The following SEPTIN2 variants were observed in gnomAD, a reference collection of about 807,000 sequenced individuals.
The protein encoded by SEPTIN2 is septin-2.
A neutral mutation model predicts 46.5 loss-of-function variants in SEPTIN2; 34 were observed. That is an observed-to-expected ratio of 0.73 (90% CI 0.56 to 0.97). The LOEUF (loss-of-function observed/expected upper bound fraction) is 0.97. SEPTIN2 is among the 50% of genes least tolerant of loss of function. The probability of loss-of-function intolerance (pLI) is 0.00; values close to 1 mark genes in which losing one functional copy is unlikely to be tolerated. For missense variants in SEPTIN2, 347 were observed against 448.4 expected (o/e 0.77, Z 2.04); for synonymous variants, 175 against 153.4 (o/e 1.14, Z -1.04).
In SEPTIN2 at chr2:241,336,033, G is replaced by A. The variant is rs765470606; in HGVS notation, c.276G>A (p.Gly92=). ...EASTVEIEER[G]VKLRLTVVDT... is the part of the protein sequence containing the mutation. ...CAACTGTTGAAATTGAAGAGCGAGGGGTCAAGCTACGCCTGACAGTGGTAG... is the reference window on the plus strand; with the variant it reads ...CAACTGTTGAAATTGAAGAGCGAGGAGTCAAGCTACGCCTGACAGTGGTAG... The change falls in exon 5 of 13, where the codon GGG becomes GGA. Residue 92 remains glycine, a synonymous_variant. Coordinates refer to ENST00000391971, the MANE Select transcript of SEPTIN2 (RefSeq NM_004404.5). The A allele has an allele frequency of 6.8e-6, 11 of 1,613,786 alleles. No individual in the cohort carries two copies. Among genetic ancestry groups the A allele is most frequent in the Middle Eastern group, 1.6e-4 (1 of 6,084 alleles).
At chr2:241,346,493 A>T in intron 10 of SEPTIN2, 1 of 245,622 alleles carries the variant, frequency 4.1e-6, no homozygotes, top group African/African-American at 2.3e-5. Flanking sequence ...CATGCCTGTA[A>T]TCCCAGCACC....
At chr2:241,335,816 C>A (rs896951528) in intron 4 of SEPTIN2, 159 bp from the exon 5 acceptor site, 3 of 854,162 alleles carry the variant, frequency 3.5e-6, no homozygotes, top group Non-Finnish European at 5.7e-6. Context: ...CTTCCCCTTT[C>A]TGACTTCTCT....
In SEPTIN2 at chr2:241,334,996, C is replaced by T. The variant is rs1235930219; in HGVS notation, c.131-130C>T. 17 of 643,048 alleles carry T rather than the reference C, an allele frequency of 2.6e-5. No individual in the cohort carries two copies. In the East Asian group the frequency reaches 4.6e-4, roughly 18 times the overall value. The allele number at this position is 643,048 out of a possible 1,614,324, so 39.8% of individuals were successfully genotyped here. A position where few individuals can be genotyped will look rare whatever the true frequency, so the allele number is the denominator to read the frequency against. ...AGATCATACTGCAAACATAGTAGTA[C>T]TGTAGGTACTAAACACAGAATGATG... On this transcript the variant is annotated intron_variant, in intron 3 of 12. Coordinates refer to ENST00000391971, the MANE Select transcript of SEPTIN2 (RefSeq NM_004404.5).
intron 4 of SEPTIN2, chr2:241,335,458 T>G: frequency 2.1e-6 from 2 of 974,738 alleles, no homozygotes; most frequent in South Asian, 2.8e-5. Context: ...TAATAAGTAG[T>G]TTCTGCCTAT....
intron 7 of SEPTIN2, among the ~76,000 whole-genome samples, chr2:241,338,937 TATATATATTATATATATA>T (rs2080807973): frequency 1.0e-5 from 1 of 96,460 alleles, no homozygotes; most frequent in East Asian, 2.5e-4. Flanking sequence ...ATATATTTAT[TATATATATTATATATATA>T]ATATATATTA....
At position 241,331,782 on chromosome 2, in the gene SEPTIN2, A is replaced by G. The variant is rs571936108; in HGVS notation, c.131-3344A>G. On this transcript the variant is annotated intron_variant, in intron 3 of 12. Coordinates refer to ENST00000391971, the MANE Select transcript of SEPTIN2 (RefSeq NM_004404.5). ...TAGAACAGACAAAAACAGTTTAGAA[A>G]AAGAGCAGAGTTGGAGGATTACAGT... 4.6e-5 allele frequency among the ~76,000 whole-genome samples: 7 copies of G among 152,360 alleles called. No homozygotes were observed. The South Asian group carries it at 1.4e-3, about 32-fold the overall frequency.
chr2:241,339,121 T>C (rs1362474932), intron 7 of SEPTIN2, among the ~76,000 whole-genome samples: 2 of 146,356 alleles, frequency 1.4e-5, no homozygotes, highest in African/African-American at 2.5e-5. Flanking sequence ...AGGCCGAGTG[T>C]GGTGGCTCAC....
chr2:241,333,501 GTTTC>G (rs2079370749), intron 3 of SEPTIN2, among the ~76,000 whole-genome samples: 1 of 152,244 alleles, frequency 6.6e-6, no homozygotes, highest in African/African-American at 2.4e-5. Flanking sequence ...ATGTCTGCAT[GTTTC>G]TTTTTGTTTT....
chr2:241,339,040 T>C (rs1191860960), intron 7 of SEPTIN2, among the ~76,000 whole-genome samples: 4 of 129,644 alleles, frequency 3.1e-5, no homozygotes, highest in Non-Finnish European at 6.3e-5. Context: ...ATACATATTA[T>C]ATATACATTT....
chr2:241,348,074 G>C, intron 10 of SEPTIN2, 60 bp from the exon 11 acceptor site: 1 of 1,328,896 alleles, frequency 7.5e-7, no homozygotes, highest in Non-Finnish European at 1.1e-6. Context: ...GAATTTTTTG[G>C]GGGGGTAGCA....
chr2:241,336,627 G>A (rs1048508737), intron 5 of SEPTIN2, among the ~76,000 whole-genome samples: 1 of 152,160 alleles, frequency 6.6e-6, no homozygotes, highest in Admixed American at 6.5e-5. Flanking sequence ...AAAGGGGAAG[G>A]TTCTGTTATC....
intron 1 of SEPTIN2, chr2:241,316,779 C>T: frequency 2.5e-6 from 1 of 401,548 alleles, no homozygotes; most frequent in Non-Finnish European, 4.5e-6. Context: ...ACCAACTACA[C>T]TGAACTTCTT....
At chr2:241,328,331 T>A (rs1002925907) in intron 3 of SEPTIN2, among the ~76,000 whole-genome samples, 3 of 152,110 alleles carry the variant, frequency 2.0e-5, no homozygotes, top group African/African-American at 7.2e-5. Flanking sequence ...CTTGGGAGGC[T>A]GAGGCCAGGA....
chr2:241,322,510 G>C (rs900248385), intron 1 of SEPTIN2, among the ~76,000 whole-genome samples: 1 of 151,890 alleles, frequency 6.6e-6, no homozygotes, highest in African/African-American at 2.4e-5. Context: ...GGGAGGCTGA[G>C]GCAGGAGAAG....
intron 1 of SEPTIN2, chr2:241,316,647 A>C: frequency 3.3e-6 from 3 of 914,158 alleles, no homozygotes; most frequent in Non-Finnish European, 4.6e-6. Flanking sequence ...CCGTGGTCTC[A>C]GTGGAGTCCC....
At chr2:241,317,721 TC>T in intron 1 of SEPTIN2, 1 of 187,668 alleles carries the variant, frequency 5.3e-6, no homozygotes, top group Non-Finnish European at 9.9e-6. Context: ...ATCCAAAGAA[TC>T]CAGATGCTTT....
chr2:241,330,220 C>A (rs1017143707), intron 3 of SEPTIN2, among the ~76,000 whole-genome samples: 35 of 152,132 alleles, frequency 2.3e-4, no homozygotes, highest in African/African-American at 7.7e-4. Context: ...CTAAAAAAAT[C>A]ACCATGCCAT....
rs1197420423 is a variant in SEPTIN2, at chr2:241,316,803, C to A, written c.-18+821C>A. The A allele has an allele frequency of 8.1e-6, 3 of 372,394 alleles. No individual in the cohort carries two copies. In the East Asian group the frequency reaches 1.2e-4, roughly 15 times the overall value. The allele number at this position is 372,394 out of a possible 1,614,324, so 23.1% of individuals were successfully genotyped here. A position where few individuals can be genotyped will look rare whatever the true frequency, so the allele number is the denominator to read the frequency against. ...ACTGAACTTCTTGTAGTTCAAACTT[C>A]TGCACCTTTGGCCATTGCCCAAACT... On this transcript the variant is annotated intron_variant, in intron 1 of 12. Coordinates refer to ENST00000391971, the MANE Select transcript of SEPTIN2 (RefSeq NM_004404.5).
Position 241,353,617 on chromosome 2 carries a change from C to T in SEPTIN2, c.*1680C>T, listed in dbSNP as rs959361938. The T allele has an allele frequency of 2.0e-5, 3 of 152,308 alleles. No individual in the cohort carries two copies. The highest frequency in any genetic ancestry group is 7.2e-5 in the African/African-American group (3 of 41,434). The allele number at this position is 152,308 out of a possible 1,614,324, so 9.4% of individuals were successfully genotyped here. A position where few individuals can be genotyped will look rare whatever the true frequency, so the allele number is the denominator to read the frequency against. On this transcript the variant is annotated 3_prime_UTR_variant, in exon 13 of 13. Transcript: ENST00000391971. ...AACAGCCAAAAGCTATATGTTATGGCTTATTGTGTGAAGGTAACTAAGAAG... is the reference window on the plus strand; with the variant it reads ...AACAGCCAAAAGCTATATGTTATGGTTTATTGTGTGAAGGTAACTAAGAAG...
Sources: allele counts gnomAD v4.1 joint callset (sites outside exome capture counted in the v4.1 genomes callset), GRCh38; gene constraint gnomAD v4.1.1; transcripts MANE v1.5; gene names NCBI Gene and HGNC (gene_info 2026-07-23, HGNC 2026-07-21).